The following KHDRBS2 variants were observed in gnomAD, a reference collection of about 807,000 sequenced individuals.
The protein encoded by KHDRBS2 is KH domain-containing, RNA-binding, signal transduction-associated protein 2.
KHDRBS2 carries 26 observed loss-of-function variants against 44.3 expected under a neutral mutation model. That is an observed-to-expected ratio of 0.59 (90% CI 0.43 to 0.81). KHDRBS2 has a LOEUF of 0.81. KHDRBS2 is among the 40% of genes least tolerant of loss of function. KHDRBS2 has a pLI of 0.00. For synonymous variants in KHDRBS2, 194 were observed against 151.1 expected, an observed-to-expected ratio of 1.28 and a Z score of -2.08; for missense variants, 476 against 433.1, an observed-to-expected ratio of 1.10 and a Z score of -0.88.
chr6:61,580,381 T>C, the KHDRBS2 span, among the ~76,000 whole-genome samples: 2 of 152,090 alleles, frequency 1.3e-5, no homozygotes, highest in African/African-American at 4.8e-5. Context: ...CGGCACTCTG[T>C]AAAATAGACC....
the KHDRBS2 span, chr6:61,574,496 A>C: frequency 9.1e-7 from 1 of 1,102,436 alleles, no homozygotes; most frequent in Non-Finnish European, 1.2e-6. Context: ...AACCTGCATT[A>C]AAAATTTCGG....
intron 1 of KHDRBS2, among the ~76,000 whole-genome samples, chr6:62,185,570 T>C (rs1392270542): frequency 6.6e-6 from 1 of 152,012 alleles, no homozygotes; most frequent in Non-Finnish European, 1.5e-5. Context: ...TAATATTAAG[T>C]ATCTTCACAA....
intron 2 of KHDRBS2, among the ~76,000 whole-genome samples, chr6:62,147,935 G>T: frequency 6.6e-6 from 1 of 151,878 alleles, no homozygotes; most frequent in East Asian, 1.9e-4. Context: ...TATCCATTTT[G>T]GAACTAGGAA....
intron 4 of KHDRBS2, among the ~76,000 whole-genome samples, chr6:61,961,979 T>TAC (rs1389179610): frequency 6.6e-6 from 1 of 151,568 alleles, no homozygotes; most frequent in African/African-American, 2.4e-5. Flanking sequence ...TATGTGGAGA[T>TAC]ATATATATAT....
At chr6:61,587,354 C>CT in the KHDRBS2 span, among the ~76,000 whole-genome samples, 188 of 120,486 alleles carry the variant, frequency 1.6e-3, 1 homozygote, top group African/African-American at 5.2e-3. Flanking sequence ...GAAGAGACAG[C>CT]TTTTTTTTAT....
chr6:61,851,854 T>A (rs1438083021), intron 6 of KHDRBS2, among the ~76,000 whole-genome samples: 2 of 152,212 alleles, frequency 1.3e-5, no homozygotes, highest in Non-Finnish European at 2.9e-5. Context: ...AGGTGAAGGA[T>A]ATCAATATGC....
chr6:62,207,493 A>C (rs1308205733), intron 1 of KHDRBS2, among the ~76,000 whole-genome samples: 1 of 152,130 alleles, frequency 6.6e-6, no homozygotes, highest in Non-Finnish European at 1.5e-5. Flanking sequence ...GAGTATGTAA[A>C]ACCTGTACCA....
chr6:62,263,560 T>C (rs1023548111), intron 1 of KHDRBS2, among the ~76,000 whole-genome samples: 3 of 151,764 alleles, frequency 2.0e-5, no homozygotes, highest in African/African-American at 7.2e-5. Flanking sequence ...TGTTTTCATA[T>C]TTTATGATCC....
intron 2 of KHDRBS2, among the ~76,000 whole-genome samples, chr6:62,134,346 C>T (rs1208006406): frequency 6.6e-6 from 1 of 152,098 alleles, no homozygotes; most frequent in African/African-American, 2.4e-5. Flanking sequence ...TGTAGGTGCA[C>T]AGAAGTCAAG....
chr6:62,064,961 A>G (rs1213970214), intron 2 of KHDRBS2, among the ~76,000 whole-genome samples: 1 of 152,026 alleles, frequency 6.6e-6, no homozygotes. Context: ...CCCATCAAAA[A>G]GTGGGTGAAG....
At chr6:62,221,815 T>G (rs1315968338) in intron 1 of KHDRBS2, among the ~76,000 whole-genome samples, 1 of 152,166 alleles carries the variant, frequency 6.6e-6, no homozygotes, top group African/African-American at 2.4e-5. Flanking sequence ...CCATTGATTT[T>G]TAATGATATC....
rs139813297 is a variant in KHDRBS2, at chr6:61,978,228, T to G, written c.337-16A>C. On this transcript the variant is annotated splice_polypyrimidine_tract_variant and intron_variant, in intron 3 of 8. Transcript: ENST00000281156. ...GTTCTTCTTCCTGTGAAAAAGGTTA[T>G]TTTTAGAAATACAAATCCACTCATT... 481 of 1,591,286 alleles carry G rather than the reference T, an allele frequency of 3.0e-4. 2 individuals are homozygous for G. In the East Asian group the frequency reaches 9.4e-3, roughly 31 times the overall value.
intron 2 of KHDRBS2, among the ~76,000 whole-genome samples, chr6:62,161,055 T>G (rs532105082): frequency 1.3e-5 from 2 of 152,248 alleles, no homozygotes; most frequent in East Asian, 3.9e-4. Flanking sequence ...GTACCTCATA[T>G]ATAAGTGTAA....
chr6:62,210,198 G>C lies in KHDRBS2; in HGVS notation c.92-32886C>G, dbSNP rs190469634. On this transcript the variant is annotated intron_variant, in intron 1 of 8. Coordinates refer to ENST00000281156, the MANE Select transcript of KHDRBS2 (RefSeq NM_152688.4). Reference sequence around the variant, plus strand: ...ACGACCACCTATTTTTTAGGTGGAAGAATATAAAATAAAGAAGATGTTCCT... The same window carrying C: ...ACGACCACCTATTTTTTAGGTGGAACAATATAAAATAAAGAAGATGTTCCT... Among the ~76,000 whole-genome samples the C allele has an allele frequency of 1.2e-4, 19 of 152,064 alleles. No individual in the cohort carries two copies. The East Asian group carries it at 3.5e-3, about 28-fold the overall frequency.
At chr6:61,957,818 C>T (rs1322644046) in intron 4 of KHDRBS2, among the ~76,000 whole-genome samples, 1 of 152,062 alleles carries the variant, frequency 6.6e-6, no homozygotes, top group Admixed American at 6.6e-5. Flanking sequence ...TCATACACTC[C>T]CTCCCCTTTT....
chr6:61,893,522 G>A (rs1802374526), intron 6 of KHDRBS2, among the ~76,000 whole-genome samples: 1 of 152,160 alleles, frequency 6.6e-6, no homozygotes, highest in Admixed American at 6.5e-5. Context: ...ATGATAGACT[G>A]GATTAAGAAA....
intron 7 of KHDRBS2, among the ~76,000 whole-genome samples, chr6:61,709,114 A>G (rs1298970972): frequency 6.6e-6 from 1 of 151,620 alleles, no homozygotes; most frequent in Non-Finnish European, 1.5e-5. Context: ...GTGCTCAATA[A>G]CTATTAATAA....
chr6:61,744,527 C>A (rs2081879529), intron 6 of KHDRBS2, among the ~76,000 whole-genome samples: 3 of 152,056 alleles, frequency 2.0e-5, no homozygotes, highest in Non-Finnish European at 1.5e-5. Context: ...TGCTCAGGAT[C>A]CATAGCAAAT....
At chr6:61,559,292 G>C in the KHDRBS2 span, among the ~76,000 whole-genome samples, 38 of 151,194 alleles carry the variant, frequency 2.5e-4, no homozygotes, top group African/African-American at 9.0e-4. Context: ...TTTCTTACCA[G>C]TGTATGCATA....
Sources: allele counts gnomAD v4.1 joint callset (sites outside exome capture counted in the v4.1 genomes callset), GRCh38; gene constraint gnomAD v4.1.1; transcripts MANE v1.5; gene names NCBI Gene and HGNC (gene_info 2026-07-23, HGNC 2026-07-21).